Variants in DOCK3 observed in about 807,000 individuals in gnomAD.
DOCK3 encodes dedicator of cytokinesis protein 3.
DOCK3 carries 60 observed loss-of-function variants against 265.6 expected under a neutral mutation model. That is an observed-to-expected ratio of 0.23 (90% CI 0.18 to 0.28). DOCK3 has a LOEUF of 0.28. Ranked by LOEUF, DOCK3 falls within the 10% of genes least tolerant of loss-of-function variation. DOCK3 has a pLI of 1.00. For synonymous variants in DOCK3, 881 were observed against 938.0 expected (o/e 0.94, Z 1.11); for missense variants, 1,981 against 2,594.3 (o/e 0.76, Z 5.14).
At chr3:51,091,536 A>T (rs1290721839) in intron 9 of DOCK3, among the ~76,000 whole-genome samples, 1 of 152,092 alleles carries the variant, frequency 6.6e-6, no homozygotes, top group Non-Finnish European at 1.5e-5. Context: ...ACAAAAAATT[A>T]GCTGGGCGTG....
In DOCK3 at chr3:50,683,009, A is replaced by G. The variant is rs1559508585; in HGVS notation, c.37+7709A>G. Among the ~76,000 whole-genome samples, 5 of 152,360 alleles carry G rather than the reference A, an allele frequency of 3.3e-5. No individual in the cohort carries two copies. The East Asian group carries it at 9.6e-4, about 29-fold the overall frequency. The stretch of plus-strand genomic sequence containing the variant: ...CTATCTTTGCATTCTTGGCAGACGC[A>G]CCTCAGAACCAGGCATGCAGAAGGT... On this transcript the variant is annotated intron_variant, in intron 1 of 52. Coordinates refer to ENST00000266037, the MANE Select transcript of DOCK3 (RefSeq NM_004947.5).
intron 6 of DOCK3, among the ~76,000 whole-genome samples, chr3:51,070,244 GT>G (rs2081800834): frequency 6.6e-6 from 1 of 152,106 alleles, no homozygotes; most frequent in Non-Finnish European, 1.5e-5. Context: ...TTTCCTTCTG[GT>G]TTGATGTTTG....
chr3:51,033,391 C>A (rs568250376), intron 5 of DOCK3, among the ~76,000 whole-genome samples: 1 of 152,310 alleles, frequency 6.6e-6, no homozygotes, highest in South Asian at 2.1e-4. Flanking sequence ...CTTACTTGGT[C>A]CCCTTTTGCT....
At chr3:50,728,035 G>A (rs1025565363) in intron 1 of DOCK3, among the ~76,000 whole-genome samples, 1 of 152,040 alleles carries the variant, frequency 6.6e-6, no homozygotes. Flanking sequence ...ACTTACTGAC[G>A]TAGATCATAT....
At chr3:51,229,976 G>A (rs1047753228) in intron 19 of DOCK3, among the ~76,000 whole-genome samples, 1 of 152,096 alleles carries the variant, frequency 6.6e-6, no homozygotes, top group Non-Finnish European at 1.5e-5. Context: ...AAGTGTGATC[G>A]TGTGGTCTTT....
intron 5 of DOCK3, among the ~76,000 whole-genome samples, chr3:51,027,664 ATGAAT>A (rs1330450096): frequency 6.6e-6 from 1 of 151,950 alleles, no homozygotes; most frequent in African/African-American, 2.4e-5. Context: ...ACTCTTCTTG[ATGAAT>A]TTAACCCTTT....
At chr3:51,354,313 A>C (rs2086212705) in intron 40 of DOCK3, among the ~76,000 whole-genome samples, 1 of 148,116 alleles carries the variant, frequency 6.8e-6, no homozygotes, top group African/African-American at 2.5e-5. Context: ...AGGCCTGCCC[A>C]GTGATTAACC....
At chr3:50,774,888 C>T (rs925048378) in intron 1 of DOCK3, among the ~76,000 whole-genome samples, 1 of 151,894 alleles carries the variant, frequency 6.6e-6, no homozygotes, top group African/African-American at 2.4e-5. Flanking sequence ...GAATTTTTGT[C>T]ATGAGTGGAC....
chr3:50,948,920 G>A (rs552751766), intron 5 of DOCK3, among the ~76,000 whole-genome samples: 7 of 152,296 alleles, frequency 4.6e-5, no homozygotes, highest in African/African-American at 1.7e-4. Context: ...TGGACATATA[G>A]ATCAATGAAA....
At chr3:51,044,987 T>C (rs1320980369) in intron 5 of DOCK3, among the ~76,000 whole-genome samples, 1 of 152,186 alleles carries the variant, frequency 6.6e-6, no homozygotes, top group African/African-American at 2.4e-5. Context: ...GTAATGAGAC[T>C]GGTTTGCTGT....
intron 12 of DOCK3, among the ~76,000 whole-genome samples, chr3:51,180,473 C>T (rs2087224196): frequency 6.6e-6 from 1 of 152,272 alleles, no homozygotes; most frequent in African/African-American, 2.4e-5. Flanking sequence ...TTGTTTGCCT[C>T]TTCCAACTTC....
At chr3:51,160,534 G>C (rs1412614001) in intron 11 of DOCK3, 21 bp from the exon 12 acceptor site, 1 of 1,593,002 alleles carries the variant, frequency 6.3e-7, no homozygotes. Context: ...AGTCTGACTG[G>C]TGTTTTCTGC....
chr3:50,826,218 G>C (rs1270373151), intron 2 of DOCK3, among the ~76,000 whole-genome samples: 1 of 151,052 alleles, frequency 6.6e-6, no homozygotes, highest in Non-Finnish European at 1.5e-5. Context: ...CCTTAAATGT[G>C]GCAGCTGCGT....
chr3:50,842,318 T>C (rs2045881067), intron 3 of DOCK3, among the ~76,000 whole-genome samples: 2 of 152,230 alleles, frequency 1.3e-5, no homozygotes, highest in African/African-American at 4.8e-5. Flanking sequence ...GCTTTTCTTG[T>C]ATGTTTCTGT....
At chr3:51,195,146 A>G (rs1245639985) in intron 12 of DOCK3, among the ~76,000 whole-genome samples, 2 of 151,938 alleles carry the variant, frequency 1.3e-5, no homozygotes, top group African/African-American at 2.4e-5. Context: ...TAAACAGCAA[A>G]TAGTCGGATT....
intron 1 of DOCK3, among the ~76,000 whole-genome samples, chr3:50,738,824 C>A (rs1254925090): frequency 6.6e-6 from 1 of 151,960 alleles, no homozygotes; most frequent in Non-Finnish European, 1.5e-5. Context: ...CCTAATGAGC[C>A]CTGTTTGTGT....
chr3:51,250,887 T>C (rs2079181628), intron 22 of DOCK3, among the ~76,000 whole-genome samples: 1 of 152,258 alleles, frequency 6.6e-6, no homozygotes, highest in African/African-American at 2.4e-5. Flanking sequence ...ATTGTTATTA[T>C]ACTTAAAGTT....
chr3:50,953,545 G>C (rs2076649090), intron 5 of DOCK3, among the ~76,000 whole-genome samples: 1 of 151,990 alleles, frequency 6.6e-6, no homozygotes, highest in African/African-American at 2.4e-5. Context: ...TCAGTACATT[G>C]AATATAAAAT....
chr3:51,067,786 T>G (rs1402751218), intron 6 of DOCK3, among the ~76,000 whole-genome samples: 9 of 152,224 alleles, frequency 5.9e-5, no homozygotes, highest in Admixed American at 5.9e-4. Context: ...TGATTTCTCC[T>G]TGAGCTTACT....
Sources: gnomAD v4.1 joint callset for allele counts (sites outside exome capture counted in the v4.1 genomes callset) on GRCh38, gnomAD v4.1.1 for gene constraint, MANE v1.5 for transcripts, NCBI Gene and HGNC (gene_info 2026-07-23, HGNC 2026-07-21) for gene names.